ARFGEF2: variants seen among roughly 807,000 people sequenced by gnomAD.
The protein encoded by ARFGEF2 is brefeldin A-inhibited guanine nucleotide-exchange protein 2.
ARFGEF2 carries 74 observed loss-of-function variants against 219.9 expected under a neutral mutation model. The observed-to-expected ratio is 0.34, with a 90% CI of 0.28 to 0.41. The LOEUF (loss-of-function observed/expected upper bound fraction) is 0.41. ARFGEF2 is among the 10% of genes least tolerant of loss of function. The pLI, the probability that ARFGEF2 is intolerant of heterozygous loss-of-function variation, is 1.00. For missense variants in ARFGEF2, 1,743 were observed against 2,218.3 expected, an observed-to-expected ratio of 0.79 and a Z score of 4.30; for synonymous variants, 733 against 799.2, an observed-to-expected ratio of 0.92 and a Z score of 1.40.
Position 48,939,829 on chromosome 20 carries a change from C to G in ARFGEF2, c.122-1370C>G, listed in dbSNP as rs376343058. Among the ~76,000 whole-genome samples the G allele has an allele frequency of 9.9e-5, 15 of 152,256 alleles. 1 individual carries two copies. Among genetic ancestry groups the G allele is most frequent in the South Asian group, 8.3e-4 (4 of 4,820 alleles). ...TCAAGTTGAGTCTAGAATGGAGTTA[C>G]CTAAGAAAAGGAAATTTGCAGCCTT... On this transcript the variant is annotated intron_variant, in intron 1 of 38. Transcript: ENST00000371917.
At chr20:49,027,722 A>C (rs1323322132) in intron 36 of ARFGEF2, among the ~76,000 whole-genome samples, 1 of 150,164 alleles carries the variant, frequency 6.7e-6, no homozygotes, top group Non-Finnish European at 1.5e-5. Context: ...ATAAATGAAG[A>C]ACAGTACAGG....
intron 16 of ARFGEF2, among the ~76,000 whole-genome samples, chr20:48,987,926 T>TA (rs1255892184): frequency 6.6e-6 from 1 of 152,124 alleles, no homozygotes; most frequent in Admixed American, 6.5e-5. Context: ...TAGCTGGGAT[T>TA]ATGGGCACCC....
chr20:49,035,213 T>G lies in ARFGEF2; in HGVS notation c.*2014T>G, dbSNP rs886056768. The G allele has an allele frequency of 1.3e-5, 2 of 152,190 alleles. No homozygotes were observed. The highest frequency in any genetic ancestry group is 2.9e-5 in the Non-Finnish European group (2 of 68,026). The allele number at this position is 152,190 out of a possible 1,614,324, so 9.4% of individuals were successfully genotyped here. ...GGTTATTTTTCCTTTCCTTCTGAGG[T>G]TCTCATGTCATTTTCTTCATCGGAT... On this transcript the variant is annotated 3_prime_UTR_variant, in exon 39 of 39. Transcript: ENST00000371917.
At chr20:48,987,960 G>A (rs1410915029) in intron 16 of ARFGEF2, among the ~76,000 whole-genome samples, 2 of 152,018 alleles carry the variant, frequency 1.3e-5, no homozygotes, top group East Asian at 1.9e-4. Context: ...GCTAATTTTT[G>A]TATTTTTAGT....
chr20:48,962,805 A>G lies in ARFGEF2; in HGVS notation c.839-1025A>G, dbSNP rs542522404. ...ACCTTATAGATCAAGCATAGAACTC[A>G]TAAAAATGGTGGCTGGGTTGAAAAT... On this transcript the variant is annotated intron_variant, in intron 6 of 38. Transcript: ENST00000371917. Among the ~76,000 whole-genome samples the G allele has an allele frequency of 2.6e-5, 4 of 152,366 alleles. No individual in the cohort carries two copies. In the East Asian group the frequency reaches 7.7e-4, roughly 29 times the overall value.
intron 6 of ARFGEF2, among the ~76,000 whole-genome samples, chr20:48,954,425 C>T (rs1445627301): frequency 3.9e-5 from 6 of 152,198 alleles, no homozygotes; most frequent in Admixed American, 3.9e-4. Flanking sequence ...TCTCCCTGGG[C>T]AGTTTGTAGG....
At chr20:48,969,355 GT>G in intron 9 of ARFGEF2, 78 bp downstream of exon 9, 3 of 1,610,936 alleles carry the variant, frequency 1.9e-6, no homozygotes, top group Middle Eastern at 1.7e-4. Flanking sequence ...CACTTCCCTT[GT>G]TCCAAGAAGT....
At chr20:49,032,629 G>T (rs1319243339) in intron 38 of ARFGEF2, among the ~76,000 whole-genome samples, 2 of 150,152 alleles carry the variant, frequency 1.3e-5, no homozygotes, top group African/African-American at 2.5e-5. Flanking sequence ...GTCTTGGTCT[G>T]TCACACAGGC....
In ARFGEF2 at chr20:49,033,478, A is replaced by C. The variant is rs2123592809; in HGVS notation, c.*279A>C. 2 of 428,790 alleles carry C rather than the reference A, an allele frequency of 4.7e-6. No individual in the cohort carries two copies. Among genetic ancestry groups the C allele is most frequent in the South Asian group, 5.9e-5 (2 of 33,720 alleles). 26.6% of individuals were successfully genotyped at this position (428,790 alleles called of 1,614,324 possible). A position where few individuals can be genotyped will look rare whatever the true frequency, so the allele number is the denominator to read the frequency against. On this transcript the variant is annotated 3_prime_UTR_variant, in exon 39 of 39. Transcript: ENST00000371917. The stretch of plus-strand genomic sequence containing the variant: ...ATTAAACTGTCAAATCTGTCATTGC[A>C]TATGCCATCGTTTTCTAGCAAAATC...
rs1280804520 is a variant in ARFGEF2 at position 48,921,844 on chromosome 20, C to T, written c.-46C>T. On this transcript the variant is annotated 5_prime_UTR_variant, in exon 1 of 39. Coordinates refer to ENST00000371917, the MANE Select transcript of ARFGEF2 (RefSeq NM_006420.3). Reference sequence around the variant, plus strand: ...CCGCAGCCTAGCTCGCCATCTCGCTCACGCCGCCCGCCCGCGGGGCCGTCA... The same window carrying T: ...CCGCAGCCTAGCTCGCCATCTCGCTTACGCCGCCCGCCCGCGGGGCCGTCA... 10 of 1,485,374 alleles carry T rather than the reference C, an allele frequency of 6.7e-6. No homozygotes were observed. Among genetic ancestry groups the T allele is most frequent in the Non-Finnish European group, 9.0e-6 (10 of 1,112,270 alleles). The allele number at this position is 1,485,374 out of a possible 1,614,324, so 92.0% of individuals were successfully genotyped here. A position where few individuals can be genotyped will look rare whatever the true frequency, so the allele number is the denominator to read the frequency against.
intron 16 of ARFGEF2, among the ~76,000 whole-genome samples, chr20:48,987,060 G>T (rs2091330572): frequency 6.6e-6 from 1 of 152,096 alleles, no homozygotes; most frequent in Non-Finnish European, 1.5e-5. Context: ...CATATTAATT[G>T]CTCCCAGTCT....
rs556791320 is a variant in ARFGEF2, at chr20:48,923,238, G to A, written c.121+1228G>A. 1.9e-4 allele frequency among the ~76,000 whole-genome samples: 29 copies of A among 152,178 alleles called. No homozygotes were observed. In the East Asian group the frequency reaches 1.9e-3, roughly 10 times the overall value. Reference sequence around the variant, plus strand: ...CGTCTTTGGTTTGGAATCTGTAAAGGCCTGTTTTTCCTAACAAAATGAGCA... The same window carrying A: ...CGTCTTTGGTTTGGAATCTGTAAAGACCTGTTTTTCCTAACAAAATGAGCA... On this transcript the variant is annotated intron_variant, in intron 1 of 38. Coordinates refer to ENST00000371917, the MANE Select transcript of ARFGEF2 (RefSeq NM_006420.3).
chr20:48,934,663 G>T (rs563964299), intron 1 of ARFGEF2, among the ~76,000 whole-genome samples: 190 of 152,292 alleles, frequency 1.2e-3, no homozygotes, highest in African/African-American at 4.4e-3. Flanking sequence ...CCTCATCCAT[G>T]TCCCTGCAAA....
rs751655373 is a variant in ARFGEF2 at position 48,953,741 on chromosome 20, A to C, written c.789A>C (p.Val263=). ...GEHARSDSGK[V]STENGDAPRE... is the part of the protein sequence containing the mutation. ...ATGCCAGGAGTGATTCTGGAAAAGT[A>C]AGCACAGAAAATGGAGACGCACCCA... is the stretch of plus-strand genomic sequence containing the variant. Residue 263 remains valine, a synonymous_variant, in exon 6 of 39, where the codon GTA becomes GTC. Transcript: ENST00000371917. 7.9e-5 allele frequency: 127 copies of C among 1,614,104 alleles called. No individual in the cohort carries two copies. Among genetic ancestry groups the C allele is most frequent in the Non-Finnish European group, 1.0e-4 (122 of 1,180,032 alleles).
At position 49,032,189 on chromosome 20, in the gene ARFGEF2, C is replaced by A. The variant is rs939405321; in HGVS notation, c.5181+23C>A. 13 of 1,533,620 alleles carry A rather than the reference C, an allele frequency of 8.5e-6. No individual in the cohort carries two copies. The East Asian group carries it at 2.5e-4, about 29-fold the overall frequency. On this transcript the variant is annotated intron_variant, in intron 38 of 38. Coordinates refer to ENST00000371917, the MANE Select transcript of ARFGEF2 (RefSeq NM_006420.3). ...AAGGTATGAACAAGTAAACTCTGAC[C>A]AATTTTCACTAGGACATAAAGTTTG...
chr20:48,942,252 T>C (rs2090997252), intron 3 of ARFGEF2, among the ~76,000 whole-genome samples: 1 of 152,210 alleles, frequency 6.6e-6, no homozygotes, highest in Non-Finnish European at 1.5e-5. Context: ...AATGAAACCT[T>C]TAGCATTAAT....
chr20:48,942,124 C>CT, intron 3 of ARFGEF2, 137 bp downstream of exon 3: 1 of 1,227,788 alleles, frequency 8.1e-7, no homozygotes, highest in South Asian at 1.3e-5. Context: ...TTAACGTATT[C>CT]TTTTTGGAGA....
chr20:49,022,618 C>T (rs1237886754), intron 34 of ARFGEF2, among the ~76,000 whole-genome samples: 1 of 152,174 alleles, frequency 6.6e-6, no homozygotes, highest in African/African-American at 2.4e-5. Flanking sequence ...GGTCTTTGCT[C>T]AAATGTCACA....
intron 1 of ARFGEF2, among the ~76,000 whole-genome samples, chr20:48,932,070 G>A (rs2090916710): frequency 6.6e-6 from 1 of 152,152 alleles, no homozygotes; most frequent in African/African-American, 2.4e-5. Flanking sequence ...GGCCTAGTGT[G>A]GTAAGAAGGG....
Sources: gnomAD v4.1 joint callset for allele counts (sites outside exome capture counted in the v4.1 genomes callset) on GRCh38, gnomAD v4.1.1 for gene constraint, MANE v1.5 for transcripts, NCBI Gene and HGNC (gene_info 2026-07-23, HGNC 2026-07-21) for gene names.